RAD54L: variants seen among roughly 807,000 people sequenced by gnomAD.
The protein encoded by RAD54L is RAD54 like, also known as DNA repair and recombination protein RAD54-like.
A neutral mutation model predicts 91.6 loss-of-function variants in RAD54L; 74 were observed. The ratio of observed to expected loss-of-function variants is 0.81; its 90% CI spans 0.67 to 0.98. The LOEUF (loss-of-function observed/expected upper bound fraction) is 0.98, where lower values mean the gene tolerates loss of function less well. Among genes scored for constraint, RAD54L ranks in the 50% least tolerant of loss-of-function variants. The pLI, the probability that RAD54L is intolerant of heterozygous loss-of-function variation, is 0.00. For missense variants in RAD54L, 887 were observed against 945.7 expected (o/e 0.94, Z 0.81); for synonymous variants, 304 against 349.7 (o/e 0.87, Z 1.46).
At chr1:46,275,540 T>C (rs564908519) in intron 16 of RAD54L, among the ~76,000 whole-genome samples, 2 of 151,308 alleles carry the variant, frequency 1.3e-5, no homozygotes, top group Admixed American at 6.6e-5. Flanking sequence ...CCCATTCCAA[T>C]TGGATTATTT....
chr1:46,260,565 T>C lies in RAD54L; in HGVS notation c.431T>C (p.Val144Ala), dbSNP rs754609210. 1.9e-6 allele frequency: 3 copies of C among 1,614,108 alleles called. No homozygotes were observed. The South Asian group carries it at 3.3e-5, about 18-fold the overall frequency. Reference sequence around the variant, plus strand: ...AGGGAGAAACTCCCTGTCCATGTGGTTGTTGACCCTATTCTCAGTAAGGTT... The same window carrying C: ...AGGGAGAAACTCCCTGTCCATGTGGCTGTTGACCCTATTCTCAGTAAGGTT... ...LDKEKLPVHV[V>A]VDPILSKVLR... Residue 144 changes from valine (V) to alanine (A), a missense_variant, in exon 6 of 18, where the codon GTT (valine) becomes GCT (alanine). Transcript: ENST00000371975.
chr1:46,273,769 A>G, intron 14 of RAD54L, 22 bp downstream of exon 14: 1 of 1,587,634 alleles, frequency 6.3e-7, no homozygotes, highest in Non-Finnish European at 8.6e-7. Flanking sequence ...CCTAACCAGG[A>G]TGCCAAAGGG....
rs148133482 is a variant in RAD54L at position 46,262,478 on chromosome 1, C to T, written c.891+1093C>T. Among the ~76,000 whole-genome samples, 444 of 152,104 alleles carry T rather than the reference C, an allele frequency of 2.9e-3. 2 individuals are homozygous for T. The highest frequency in any genetic ancestry group is 0.01 in the African/African-American group (421 of 41,504). On this transcript the variant is annotated intron_variant, in intron 8 of 17. Coordinates refer to ENST00000371975, the MANE Select transcript of RAD54L (RefSeq NM_003579.4). ...CATGACCCTTTCTCAAAAAACAACA[C>T]CACACAAATATGCATAAAGGGGCAA...
In RAD54L at chr1:46,260,023, G is replaced by A. The variant is rs1322473345; in HGVS notation, c.331G>A (p.Asp111Asn). Residue 111 changes from aspartate to asparagine, a missense_variant, in exon 5 of 18, where the codon GAC (aspartate) becomes AAC (asparagine). By Grantham distance (23) the Asp-to-Asn change is conservative. Transcript: ENST00000371975. ...GGCTGGGGTCCGCCGGGCCCTCCATGACCCCCTGGAAAAAGATGCCTTGGT... is the reference window on the plus strand; with the variant it reads ...GGCTGGGGTCCGCCGGGCCCTCCATAACCCCCTGGAAAAAGATGCCTTGGT... ...KRAGVRRALH[D>N]PLEKDALVLY... The A allele has an allele frequency of 6.2e-7, 1 of 1,614,164 alleles. No homozygotes were observed. The highest frequency in any genetic ancestry group is 8.5e-7 in the Non-Finnish European group (1 of 1,180,026).
At chr1:46,277,634 C>T (rs891791955) in intron 16 of RAD54L, 183 bp from the exon 17 acceptor site, 31 of 703,076 alleles carry the variant, frequency 4.4e-5, no homozygotes, top group Admixed American at 3.3e-4. Flanking sequence ...ATGTCATGTT[C>T]TCAGGAGACA....
At chr1:46,261,775 C>A (rs1406559557) in intron 8 of RAD54L, among the ~76,000 whole-genome samples, 1 of 152,170 alleles carries the variant, frequency 6.6e-6, no homozygotes, top group African/African-American at 2.4e-5. Flanking sequence ...AAAAGAGACA[C>A]AAGCCAAAGT....
At chr1:46,258,168 A>G (rs1180064288) in intron 3 of RAD54L, among the ~76,000 whole-genome samples, 2 of 152,106 alleles carry the variant, frequency 1.3e-5, no homozygotes, top group East Asian at 3.8e-4. Context: ...GTGAGCCACC[A>G]TGCCCGGCCT....
In RAD54L at chr1:46,277,514, G is replaced by A. The variant is rs545845505; in HGVS notation, c.1870-303G>A. On this transcript the variant is annotated intron_variant, in intron 16 of 17. Transcript: ENST00000371975. The stretch of plus-strand genomic sequence containing the variant: ...TGAATGAGTTAGAGTTGGGCTTGGT[G>A]CAGAAATCTGAAGCTGCAGCAGACA... 134 of 464,182 alleles carry A rather than the reference G, an allele frequency of 2.9e-4. 2 individuals carry two copies. Among genetic ancestry groups the A allele is most frequent in the African/African-American group, 1.5e-3 (77 of 50,944 alleles). 28.8% of individuals were successfully genotyped at this position (464,182 alleles called of 1,614,324 possible).
At chr1:46,276,658 G>A (rs1451075109) in intron 16 of RAD54L, among the ~76,000 whole-genome samples, 1 of 152,162 alleles carries the variant, frequency 6.6e-6, no homozygotes, top group Non-Finnish European at 1.5e-5. Flanking sequence ...CTTGGATATT[G>A]CAGCAGCTTC....
chr1:46,271,731 A>C (rs945817368), intron 10 of RAD54L, among the ~76,000 whole-genome samples: 22 of 152,148 alleles, frequency 1.4e-4, no homozygotes, highest in African/African-American at 5.3e-4. Context: ...CCTGATACCT[A>C]TCCTTCATAG....
rs1660474041 is a variant in RAD54L, at chr1:46,272,814, T to G, written c.1375+12T>G. The G allele has an allele frequency of 6.2e-7, 1 of 1,613,968 alleles. No individual in the cohort carries two copies. Among genetic ancestry groups the G allele is most frequent in the African/African-American group, 1.3e-5 (1 of 74,926 alleles). The stretch of plus-strand genomic sequence containing the variant: ...GAAGCTTTGTAATCGTGAGTTGGGC[T>G]TGTGTCCTGGTGTCCTCTGTGAGAG... On this transcript the variant is annotated intron_variant, in intron 12 of 17. Transcript: ENST00000371975.
chr1:46,260,655 C>T (rs1660085936), intron 6 of RAD54L, 44 bp downstream of exon 6: 1 of 1,613,518 alleles, frequency 6.2e-7, no homozygotes, highest in Non-Finnish European at 8.5e-7. Flanking sequence ...ATGGGCTGAG[C>T]CTGGGAGACT....
In RAD54L at chr1:46,248,536, C is replaced by G. The variant is rs200923903; in HGVS notation, c.28C>G (p.Leu10Val). The G allele has an allele frequency of 8.1e-6, 13 of 1,614,014 alleles. No individual in the cohort carries two copies. The highest frequency in any genetic ancestry group is 7.6e-6 in the Non-Finnish European group (9 of 1,180,038). The stretch of plus-strand genomic sequence containing the variant: ...GAGGAGGAGCTTGGCTCCCAGCCAG[C>G]TGGCCAAGAGAAAACCTGAAGGCAG... MRRSLAPSQLAKRKPEGRSC... is the reference protein window; with the variant it reads MRRSLAPSQVAKRKPEGRSC... Residue 10 changes from leucine (L) to valine (V), a missense_variant, in exon 2 of 18, where the codon CTG (leucine) becomes GTG (valine). Physicochemically the swap from Leu to Val is conservative, Grantham distance 32 (BLOSUM62 1). Transcript: ENST00000371975.
At chr1:46,275,797 T>C (rs551364245) in intron 16 of RAD54L, among the ~76,000 whole-genome samples, 241 of 152,152 alleles carry the variant, frequency 1.6e-3, no homozygotes, top group Non-Finnish European at 2.1e-3. Context: ...ACTATGAATT[T>C]TTCCTCTTCG....
intron 16 of RAD54L, 53 bp from the exon 17 acceptor site, chr1:46,277,764 T>G: frequency 6.5e-7 from 1 of 1,542,022 alleles, no homozygotes. Flanking sequence ...TCCCTTTTTA[T>G]GAGGATGGCT....
At position 46,260,585 on chromosome 1, in the gene RAD54L, A is replaced by G. The variant is rs2295466; in HGVS notation, c.451A>G (p.Lys151Glu). The G allele has an allele frequency of 2.1e-4, 334 of 1,614,010 alleles. 6 individuals carry two copies. In the East Asian group the frequency reaches 7.3e-3, roughly 35 times the overall value. ...VHVVVDPILS[K>E]VLRPHQREGV... ...TGTGGTTGTTGACCCTATTCTCAGTAAGGTTTTGCGGCCTCATCAGAGAGA... is the reference window on the plus strand; with the variant it reads ...TGTGGTTGTTGACCCTATTCTCAGTGAGGTTTTGCGGCCTCATCAGAGAGA... Residue 151 changes from lysine to glutamate, a missense_variant, in exon 6 of 18, where the codon AAG becomes GAG. Physicochemically the swap from Lys to Glu is moderately conservative, Grantham distance 56 (BLOSUM62 1). Transcript: ENST00000371975.
Position 46,260,107 on chromosome 1 carries a change from C to T in RAD54L, c.407+8C>T. On this transcript the variant is annotated splice_region_variant and intron_variant, in intron 5 of 17. Transcript: ENST00000371975. ...CCAGCTGAAGCTTGACAAGTATGTG[C>T]ACTGGTATTTCATAAGCAGTTTTGG... 1 of 1,614,202 alleles carries T rather than the reference C, an allele frequency of 6.2e-7. No individual in the cohort carries two copies. Among genetic ancestry groups the T allele is most frequent in the South Asian group, 1.1e-5 (1 of 91,092 alleles).
rs745591449 is a variant in RAD54L, at chr1:46,258,699, G to A, written c.224G>A (p.Arg75Gln). 4.4e-6 allele frequency: 7 copies of A among 1,606,742 alleles called. No individual in the cohort carries two copies. The highest frequency in any genetic ancestry group is 3.3e-5 in the Admixed American group (2 of 60,018). ...LDSSQHEAFI[R>Q]SILSKPFKVP... Reference sequence around the variant, plus strand: ...CTTTCTTTTTAGGAAGCATTTATTCGAAGCATTTTGTCAAAGCCTTTCAAA... The same window carrying A: ...CTTTCTTTTTAGGAAGCATTTATTCAAAGCATTTTGTCAAAGCCTTTCAAA... Residue 75 changes from arginine to glutamine, a missense_variant, in exon 4 of 18, where the codon CGA becomes CAA. Transcript: ENST00000371975.
chr1:46,277,842 T>C lies in RAD54L; in HGVS notation c.1895T>C (p.Phe632Ser). The C allele has an allele frequency of 6.2e-7, 1 of 1,612,408 alleles. No individual in the cohort carries two copies. The highest frequency in any genetic ancestry group is 1.7e-5 in the Admixed American group (1 of 60,016). Residue 632 changes from phenylalanine to serine, a missense_variant, in exon 17 of 18, where the codon TTC (phenylalanine) becomes TCC (serine). Physicochemically the swap from Phe to Ser is radical, Grantham distance 155. Transcript: ENST00000371975. ...GCAGGGACCATTGAGGAGAAGATCTTCCAGCGTCAGAGCCACAAGAAGGCA... is the reference window on the plus strand; with the variant it reads ...GCAGGGACCATTGAGGAGAAGATCTCCCAGCGTCAGAGCCACAAGAAGGCA... ...LSAGTIEEKI[F>S]QRQSHKKALS... is the part of the protein sequence containing the mutation.
Sources: allele counts gnomAD v4.1 joint callset (sites outside exome capture counted in the v4.1 genomes callset), GRCh38; gene constraint gnomAD v4.1.1; transcripts MANE v1.5; gene names NCBI Gene and HGNC (gene_info 2026-07-23, HGNC 2026-07-21).